The following SSBP3 variants were observed in gnomAD, a reference collection of about 807,000 sequenced individuals.
SSBP3 encodes single-stranded DNA-binding protein 3.
Under a neutral mutation model 69.6 loss-of-function variants are expected in SSBP3, and 5 were observed. The ratio of observed to expected loss-of-function variants is 0.07; its 90% CI spans 0.04 to 0.15. SSBP3 has a LOEUF of 0.15. Ranked by LOEUF, SSBP3 falls within the 10% of genes least tolerant of loss-of-function variation. The probability of loss-of-function intolerance (pLI) is 1.00; values close to 1 mark genes in which losing one functional copy is unlikely to be tolerated. For synonymous variants in SSBP3, 196 were observed against 193.4 expected (o/e 1.01, Z -0.11); for missense variants, 312 against 534.0 (o/e 0.58, Z 4.10).
At chr1:54,356,181 G>A (rs970432804) in intron 4 of SSBP3, among the ~76,000 whole-genome samples, 1 of 152,174 alleles carries the variant, frequency 6.6e-6, no homozygotes, top group Non-Finnish European at 1.5e-5. Flanking sequence ...TAACTAGCTC[G>A]GAGAGGGTAG....
intron 17 of SSBP3, among the ~76,000 whole-genome samples, chr1:54,227,376 G>A (rs1241363217): frequency 7.2e-5 from 11 of 152,164 alleles, no homozygotes; most frequent in Admixed American, 7.2e-4. Context: ...ACTTCTCAGT[G>A]CCAGCCTGCC....
chr1:54,238,487 G>A, intron 14 of SSBP3: 1 of 374,490 alleles, frequency 2.7e-6, no homozygotes, highest in South Asian at 2.1e-5. Context: ...CCGACCTCGG[G>A]CAACGCCCCC....
At chr1:54,316,664 ATAAATAAAT>A (rs1412939796) in intron 4 of SSBP3, among the ~76,000 whole-genome samples, 1,208 of 24,766 alleles carry the variant, frequency 0.049, 81 homozygotes, top group Non-Finnish European at 0.061. Context: ...AAAAAATAAA[ATAAATAAAT>A]AAATAAATAA....
intron 4 of SSBP3, among the ~76,000 whole-genome samples, chr1:54,379,202 T>C (rs542651007): frequency 2.6e-5 from 4 of 152,362 alleles, no homozygotes; most frequent in East Asian, 3.9e-4. Flanking sequence ...AGGAGCGACA[T>C]GCGGGTTTTC....
At chr1:54,290,119 C>G (rs946116861) in intron 4 of SSBP3, among the ~76,000 whole-genome samples, 4 of 152,208 alleles carry the variant, frequency 2.6e-5, no homozygotes, top group African/African-American at 9.7e-5. Context: ...CTTGGCCACA[C>G]CTCAGCTTCT....
At chr1:54,386,107 A>G (rs1431586986) in intron 4 of SSBP3, among the ~76,000 whole-genome samples, 1 of 152,208 alleles carries the variant, frequency 6.6e-6, no homozygotes, top group Non-Finnish European at 1.5e-5. Context: ...CTGTGTTAAC[A>G]TGCAGTGTGG....
chr1:54,392,369 G>C (rs939824374), intron 4 of SSBP3, among the ~76,000 whole-genome samples: 2 of 152,232 alleles, frequency 1.3e-5, no homozygotes, highest in African/African-American at 4.8e-5. Context: ...CTCTGGGCTA[G>C]TGGCCTTCTG....
chr1:54,356,370 A>C (rs1317832377), intron 4 of SSBP3: 1 of 152,266 alleles, frequency 6.6e-6, no homozygotes, highest in Non-Finnish European at 1.5e-5. Context: ...CCAGCGCCCC[A>C]CCAAACAACC....
rs78074689 is a variant in SSBP3 at position 54,279,181 on chromosome 1, C to G, written c.366+2257G>C. On this transcript the variant is annotated intron_variant, in intron 5 of 17. Coordinates refer to ENST00000610401, the Ensembl canonical transcript of SSBP3. ...TGCTCTCTGCTGTCTACTGGATGAC[C>G]ACGTCAGCTCTTGATGGCTCGCCGT... Among the ~76,000 whole-genome samples the G allele has an allele frequency of 6.4e-3, 979 of 152,262 alleles. 6 individuals carry two copies. Among genetic ancestry groups the G allele is most frequent in the Non-Finnish European group, 0.01 (685 of 68,016 alleles).
rs1644952230 is a variant in SSBP3, at chr1:54,257,990, T to A, written c.447+79A>T. On this transcript the variant is annotated intron_variant, in intron 6 of 17. Coordinates refer to ENST00000610401, the Ensembl canonical transcript of SSBP3. Reference sequence around the variant, plus strand: ...GGCAGTGGCTAGAGCACATTTTGATTTTTGTTTTTCCTCTGCGGGCTCTCT... The same window carrying A: ...GGCAGTGGCTAGAGCACATTTTGATATTTGTTTTTCCTCTGCGGGCTCTCT... 3.6e-6 allele frequency: 5 copies of A among 1,402,176 alleles called. No homozygotes were observed. The East Asian group carries it at 1.3e-4, about 36-fold the overall frequency. 86.9% of individuals were successfully genotyped at this position (1,402,176 alleles called of 1,614,324 possible). A position where few individuals can be genotyped will look rare whatever the true frequency, so the allele number is the denominator to read the frequency against.
chr1:54,244,827 C>A (rs539923260), intron 9 of SSBP3, among the ~76,000 whole-genome samples: 8 of 152,148 alleles, frequency 5.3e-5, no homozygotes, highest in Admixed American at 5.2e-4. Flanking sequence ...CCCACCCCTT[C>A]GGGCTGACTG....
At chr1:54,291,408 C>A (rs1338019120) in intron 4 of SSBP3, among the ~76,000 whole-genome samples, 1 of 152,220 alleles carries the variant, frequency 6.6e-6, no homozygotes, top group African/African-American at 2.4e-5. Context: ...CAGTCGGGAG[C>A]CCTTGAGCTC....
chr1:54,342,088 C>A lies in SSBP3; in HGVS notation c.276+59773G>T, dbSNP rs556353973. On this transcript the variant is annotated intron_variant, in intron 4 of 17. Transcript: ENST00000610401. ...GAGGGATTTCCTGGAATGTCTGGAT[C>A]TGGGCAAAGTTTCCCTGCGGAGAGC... Among the ~76,000 whole-genome samples the A allele has an allele frequency of 2.8e-4, 42 of 152,336 alleles. 1 individual carries two copies. The South Asian group carries it at 3.5e-3, about 13-fold the overall frequency.
chr1:54,270,557 C>T (rs1353364592), intron 5 of SSBP3, among the ~76,000 whole-genome samples: 1 of 152,202 alleles, frequency 6.6e-6, no homozygotes, highest in Non-Finnish European at 1.5e-5. Flanking sequence ...CAAAAATACC[C>T]AGAACCTCTT....
rs1644595656 is a variant in SSBP3, at chr1:54,240,101, TGTGCGTGCGCGCGCGCGC to T, written c.856+786_856+803del. Among the ~76,000 whole-genome samples, 8 of 7,158 alleles carry T rather than the reference TGTGCGTGCGCGCGCGCGC, an allele frequency of 1.1e-3. No homozygotes were observed. The Admixed American group carries it at 0.013, about 11-fold the overall frequency. 4.7% of individuals were successfully genotyped at this position (7,158 alleles called of 152,430 possible). ...GTGTGTGTGTGTGCGCGCGCGCGCG[TGTGCGTGCGCGCGCGCGC>T]GCAACACATGCCCACGTATGTGCAC... On this transcript the variant is annotated intron_variant, in intron 13 of 17. Transcript: ENST00000610401.
intron 4 of SSBP3, chr1:54,326,309 C>G (rs150783626): frequency 6.6e-6 from 1 of 152,358 alleles, no homozygotes; most frequent in Non-Finnish European, 1.5e-5. Flanking sequence ...CGGGGGACAC[C>G]GGAACTCCAG....
intron 4 of SSBP3, among the ~76,000 whole-genome samples, chr1:54,304,242 G>A: frequency 6.6e-6 from 1 of 152,212 alleles, no homozygotes; most frequent in East Asian, 1.9e-4. Context: ...AGAGTCTTTG[G>A]CAATGTGAAC....
chr1:54,283,438 T>A (rs1326266612), intron 4 of SSBP3, among the ~76,000 whole-genome samples: 1 of 152,162 alleles, frequency 6.6e-6, no homozygotes, highest in Non-Finnish European at 1.5e-5. Context: ...TACTACTAAG[T>A]GGGATGACTG....
intron 4 of SSBP3, among the ~76,000 whole-genome samples, chr1:54,397,394 C>T (rs149326963): frequency 0.02 from 3,047 of 152,320 alleles, 157 homozygotes; most frequent in Admixed American, 0.13. Context: ...CCACCAAGGA[C>T]GCTGGACCCC....
Sources: allele counts gnomAD v4.1 joint callset (sites outside exome capture counted in the v4.1 genomes callset), GRCh38; gene constraint gnomAD v4.1.1; transcripts MANE v1.5; gene names NCBI Gene and HGNC (gene_info 2026-07-23, HGNC 2026-07-21).